The following TAF3 variants were observed in gnomAD, a reference collection of about 807,000 sequenced individuals.
The protein encoded by TAF3 is transcription initiation factor TFIID subunit 3.
Under a neutral mutation model 80.6 loss-of-function variants are expected in TAF3, and 7 were observed. That is an observed-to-expected ratio of 0.09 (90% confidence interval 0.05 to 0.16). TAF3 has a LOEUF of 0.16. TAF3 is among the 10% of genes least tolerant of loss of function. The probability of loss-of-function intolerance (pLI) is 1.00; values close to 1 mark genes in which losing one functional copy is unlikely to be tolerated. For missense variants in TAF3, 921 were observed against 1,140.2 expected (o/e 0.81, Z 2.77); for synonymous variants, 444 against 446.1 (o/e 1.00, Z 0.06).
chr10:7,908,875 A>G (rs1837630274), intron 2 of TAF3, among the ~76,000 whole-genome samples: 1 of 152,258 alleles, frequency 6.6e-6, no homozygotes, highest in Non-Finnish European at 1.5e-5. Flanking sequence ...GTCCAAGCAC[A>G]GGTGCCTGGG....
At chr10:7,850,038 AT>A (rs1446970846) in intron 2 of TAF3, among the ~76,000 whole-genome samples, 1 of 146,068 alleles carries the variant, frequency 6.8e-6, no homozygotes, top group African/African-American at 2.5e-5. Context: ...AATTGTTGGG[AT>A]TCATTGAGTG....
At chr10:7,916,773 T>G (rs1837715224) in intron 2 of TAF3, among the ~76,000 whole-genome samples, 1 of 152,206 alleles carries the variant, frequency 6.6e-6, no homozygotes, top group African/African-American at 2.4e-5. Context: ...CTTGTTGCCT[T>G]AACTCAACCC....
At chr10:7,983,844 C>CAATAAATAAATA (rs113211341) in intron 4 of TAF3, among the ~76,000 whole-genome samples, 2,877 of 150,670 alleles carry the variant, frequency 0.019, 41 homozygotes, top group African/African-American at 0.032. Flanking sequence ...GTCTCTAAAA[C>CAATAAATAAATA]AATAAATAAA....
intron 2 of TAF3, among the ~76,000 whole-genome samples, chr10:7,863,546 G>A (rs1184185980): frequency 6.9e-6 from 1 of 145,208 alleles, no homozygotes; most frequent in East Asian, 2.0e-4. Context: ...AGAGGCGGAG[G>A]TTGCAGCGAG....
At chr10:7,961,982 T>C (rs1831506390) in intron 2 of TAF3, among the ~76,000 whole-genome samples, 2 of 152,114 alleles carry the variant, frequency 1.3e-5, no homozygotes. Flanking sequence ...CCCAGGTAGC[T>C]GGGACTACAG....
chr10:7,995,897 A>G (rs1257848507), intron 4 of TAF3, among the ~76,000 whole-genome samples: 1 of 152,212 alleles, frequency 6.6e-6, no homozygotes, highest in African/African-American at 2.4e-5. Flanking sequence ...GAATCAACAT[A>G]AAACCGATTC....
intron 2 of TAF3, among the ~76,000 whole-genome samples, chr10:7,929,634 G>A (rs1012770649): frequency 6.6e-6 from 1 of 152,108 alleles, no homozygotes; most frequent in Non-Finnish European, 1.5e-5. Flanking sequence ...AAAGTGCTGG[G>A]ATTGCACGTG....
chr10:7,844,163 C>T (rs918223698), intron 2 of TAF3, among the ~76,000 whole-genome samples: 1 of 152,078 alleles, frequency 6.6e-6, no homozygotes, highest in Non-Finnish European at 1.5e-5. Flanking sequence ...GGAAACTTAC[C>T]TAAAACAGAA....
chr10:8,006,645 T>C (rs1831996933), intron 4 of TAF3, among the ~76,000 whole-genome samples: 1 of 152,210 alleles, frequency 6.6e-6, no homozygotes, highest in African/African-American at 2.4e-5. Flanking sequence ...AGTAATGAAG[T>C]TACTTGCTGA....
chr10:8,012,315 G>A (rs1339881031), intron 5 of TAF3, among the ~76,000 whole-genome samples: 2 of 152,332 alleles, frequency 1.3e-5, no homozygotes, highest in South Asian at 2.1e-4. Context: ...CTGCCTAATG[G>A]TGTGATGTTG....
intron 2 of TAF3, among the ~76,000 whole-genome samples, chr10:7,916,812 C>CA (rs1837715644): frequency 1.3e-5 from 2 of 152,140 alleles, no homozygotes; most frequent in African/African-American, 4.8e-5. Context: ...CTTCTTTCAA[C>CA]AATGGTGCTT....
At chr10:7,942,093 G>A (rs1295499132) in intron 2 of TAF3, among the ~76,000 whole-genome samples, 3 of 152,148 alleles carry the variant, frequency 2.0e-5, no homozygotes, top group Admixed American at 2.0e-4. Flanking sequence ...GAGGTGACAA[G>A]TTGACATTTT....
chr10:7,951,068 C>T (rs760805295), intron 2 of TAF3, among the ~76,000 whole-genome samples: 1 of 152,130 alleles, frequency 6.6e-6, no homozygotes, highest in Non-Finnish European at 1.5e-5. Flanking sequence ...GGGTATGCAT[C>T]GATTAGCTGA....
intron 2 of TAF3, among the ~76,000 whole-genome samples, chr10:7,830,708 T>C (rs1836790840): frequency 6.6e-6 from 1 of 152,134 alleles, no homozygotes; most frequent in Non-Finnish European, 1.5e-5. Flanking sequence ...GGTCTGGAAC[T>C]CCTGACCTCA....
chr10:7,824,027 G>A (rs1836717261), intron 1 of TAF3, among the ~76,000 whole-genome samples: 1 of 151,660 alleles, frequency 6.6e-6, no homozygotes, highest in African/African-American at 2.4e-5. Flanking sequence ...TGTTCCAGAT[G>A]CTTTTGATCA....
rs1432167941 is a variant in TAF3, at chr10:8,009,841, A to G, written c.2568+511A>G. 3.3e-5 allele frequency among the ~76,000 whole-genome samples: 5 copies of G among 151,598 alleles called. No individual in the cohort carries two copies. The highest frequency in any genetic ancestry group is 7.4e-5 in the Non-Finnish European group (5 of 67,932). ...TCACCGTGTTAGCCAGGCTGGTCTC[A>G]AACTCCTGACCTAAGGTGATCCACC... On this transcript the variant is annotated intron_variant, in intron 5 of 6. Coordinates refer to ENST00000344293, the MANE Select transcript of TAF3 (RefSeq NM_031923.4). This position sits in a 1 kb window ranked among gnomAD's most constrained non-coding sequence, Gnocchi z 4.1.
chr10:7,909,465 C>T (rs938874941), intron 2 of TAF3, among the ~76,000 whole-genome samples: 1 of 152,228 alleles, frequency 6.6e-6, no homozygotes, highest in East Asian at 1.9e-4. Flanking sequence ...CTTCCTTGGA[C>T]TTCACTGTGC....
intron 4 of TAF3, among the ~76,000 whole-genome samples, chr10:7,991,595 TACACATAC>T (rs1251661603): frequency 6.6e-6 from 1 of 152,166 alleles, no homozygotes; most frequent in Non-Finnish European, 1.5e-5. Flanking sequence ...TATAGATTTA[TACACATAC>T]ACACATGCAT....
chr10:7,920,818 G>T (rs1049873430), intron 2 of TAF3, among the ~76,000 whole-genome samples: 3 of 152,164 alleles, frequency 2.0e-5, no homozygotes, highest in Non-Finnish European at 4.4e-5. Flanking sequence ...CATTGAAATA[G>T]AATTTTTGTC....
Sources: gnomAD v4.1 joint callset for allele counts (sites outside exome capture counted in the v4.1 genomes callset) on GRCh38, gnomAD v4.1.1 for gene constraint, Gnocchi (gnomAD v3.1) non-coding constraint, MANE v1.5 for transcripts, NCBI Gene and HGNC (gene_info 2026-07-23, HGNC 2026-07-21) for gene names.